CMSS1: variants seen among roughly 807,000 people sequenced by gnomAD.
CMSS1 encodes the protein cms1 ribosomal small subunit homolog, also known as protein CMSS1.
Under a neutral mutation model 43.5 loss-of-function variants are expected in CMSS1, and 33 were observed. The observed-to-expected ratio is 0.76, with a 90% CI of 0.57 to 1.01. The LOEUF (loss-of-function observed/expected upper bound fraction) is 1.01, where lower values mean the gene tolerates loss of function less well. Among genes scored for constraint, CMSS1 ranks in the 50% least tolerant of loss-of-function variants. CMSS1 has a pLI of 0.00. For missense variants in CMSS1, 313 were observed against 326.4 expected (o/e 0.96, Z 0.32); for synonymous variants, 115 against 117.2 (o/e 0.98, Z 0.12).
rs752532070 is a variant in CMSS1, at chr3:100,160,469, G to A, written c.193G>A (p.Glu65Lys). 5 of 1,515,652 alleles carry A rather than the reference G, an allele frequency of 3.3e-6. No homozygotes were observed. Among genetic ancestry groups the A allele is most frequent in the Non-Finnish European group, 4.6e-6 (5 of 1,094,042 alleles). 93.9% of individuals were successfully genotyped at this position (1,515,652 alleles called of 1,614,324 possible). ...TTTGATACAACCAAAGGAAAGAAAA[G>A]AGAATACCACCAAGACCAGGAAAAG... ...CFLIQPKERK[E>K]NTTKTRKRRK... Residue 65 changes from glutamate to lysine, a missense_variant, in exon 3 of 10, where the codon GAG becomes AAG. Physicochemically the swap from Glu to Lys is moderately conservative, Grantham distance 56. Coordinates refer to ENST00000421999, the MANE Select transcript of CMSS1 (RefSeq NM_032359.4).
At chr3:99,930,868 G>C in intron 1 of CMSS1, 1 of 1,612,994 alleles carries the variant, frequency 6.2e-7, no homozygotes, top group Non-Finnish European at 8.5e-7. Context: ...TCTCTGCCTT[G>C]GGACACGGAA....
At chr3:100,057,468 C>T (rs1236390192) in intron 1 of CMSS1, among the ~76,000 whole-genome samples, 1 of 152,232 alleles carries the variant, frequency 6.6e-6, no homozygotes, top group African/African-American at 2.4e-5. Context: ...GCTGCGGTTT[C>T]TCCAAACTCT....
At chr3:100,097,216 A>G (rs1256665667) in intron 1 of CMSS1, among the ~76,000 whole-genome samples, 1 of 152,226 alleles carries the variant, frequency 6.6e-6, no homozygotes, top group Non-Finnish European at 1.5e-5. Flanking sequence ...TTGCCCTGAG[A>G]TGAACAGTTT....
At chr3:99,847,579 A>G (rs2107518834) in intron 1 of CMSS1, among the ~76,000 whole-genome samples, 1 of 152,320 alleles carries the variant, frequency 6.6e-6, no homozygotes, top group Admixed American at 6.5e-5. Flanking sequence ...CATGAAAACC[A>G]AAATTATTCG....
chr3:99,988,341 C>CAAAAAAAA (rs63321762), intron 1 of CMSS1, among the ~76,000 whole-genome samples: 134 of 62,242 alleles, frequency 2.2e-3, no homozygotes, highest in Non-Finnish European at 2.7e-3. Context: ...ACTAAAAATC[C>CAAAAAAAA]AAAAAAAAAA....
At chr3:99,901,962 T>C (rs1706452484) in intron 1 of CMSS1, among the ~76,000 whole-genome samples, 1 of 152,156 alleles carries the variant, frequency 6.6e-6, no homozygotes, top group African/African-American at 2.4e-5. Flanking sequence ...ATGATGCCAA[T>C]AAACAAAACA....
At chr3:99,872,273 G>C (rs1944832781) in intron 1 of CMSS1, among the ~76,000 whole-genome samples, 2 of 82,184 alleles carry the variant, frequency 2.4e-5, no homozygotes, top group Admixed American at 1.2e-4. Flanking sequence ...CCAGGACTGT[G>C]TGTGTGTGTG....
intron 8 of CMSS1, among the ~76,000 whole-genome samples, chr3:100,172,788 C>T (rs774318616): frequency 5.3e-5 from 8 of 152,180 alleles, no homozygotes; most frequent in Admixed American, 2.6e-4. Flanking sequence ...AAACAAAAAA[C>T]GTAGTTTCCA....
At chr3:99,934,505 T>C (rs1426233829) in intron 1 of CMSS1, among the ~76,000 whole-genome samples, 1 of 152,224 alleles carries the variant, frequency 6.6e-6, no homozygotes, top group Non-Finnish European at 1.5e-5. Context: ...AATAGTCTAC[T>C]GATAAGAATC....
intron 1 of CMSS1, among the ~76,000 whole-genome samples, chr3:99,951,929 T>C (rs7638900): frequency 0.71 from 107,877 of 152,082 alleles, 38,607 homozygotes; most frequent in East Asian, 0.81. Context: ...TTGCCTTAGA[T>C]GAGGTTCTGA....
chr3:99,838,249 C>G (rs1180032560), intron 1 of CMSS1, among the ~76,000 whole-genome samples: 2 of 152,208 alleles, frequency 1.3e-5, no homozygotes, highest in Admixed American at 1.3e-4. Flanking sequence ...GGTCAGTCTT[C>G]CCCGTGCCTG....
intron 1 of CMSS1, among the ~76,000 whole-genome samples, chr3:99,984,366 C>A (rs1391688896): frequency 6.6e-6 from 1 of 152,144 alleles, no homozygotes; most frequent in African/African-American, 2.4e-5. Flanking sequence ...TAGGATTAAA[C>A]CATTTATTAC....
intron 1 of CMSS1, among the ~76,000 whole-genome samples, chr3:100,047,095 A>G (rs1256902568): frequency 6.6e-6 from 1 of 152,228 alleles, no homozygotes; most frequent in Non-Finnish European, 1.5e-5. Context: ...ATGTTTAGCC[A>G]TTGAAGTTTT....
At chr3:99,904,730 A>G (rs1343923901) in intron 1 of CMSS1, among the ~76,000 whole-genome samples, 1 of 151,926 alleles carries the variant, frequency 6.6e-6, no homozygotes, top group African/African-American at 2.4e-5. Context: ...CTTGCCTCCC[A>G]CACCCACTTC....
At chr3:100,039,337 C>T (rs2065162446) in intron 1 of CMSS1, among the ~76,000 whole-genome samples, 1 of 152,164 alleles carries the variant, frequency 6.6e-6, no homozygotes, top group Non-Finnish European at 1.5e-5. Flanking sequence ...AGCCAAGACT[C>T]ACCTGCTACA....
At chr3:99,850,082 C>T (rs563640451) in intron 1 of CMSS1, 1 of 1,612,894 alleles carries the variant, frequency 6.2e-7, no homozygotes, top group Non-Finnish European at 8.5e-7. Context: ...ACTGTTGTTA[C>T]TTTATTTTGC....
chr3:99,932,449 C>T (rs1369824522), intron 1 of CMSS1, among the ~76,000 whole-genome samples: 3 of 151,722 alleles, frequency 2.0e-5, no homozygotes, highest in Non-Finnish European at 4.4e-5. Context: ...ATTATATAGT[C>T]CATCATTTAC....
intron 2 of CMSS1, among the ~76,000 whole-genome samples, chr3:100,154,163 T>G (rs1348614148): frequency 6.6e-6 from 1 of 152,210 alleles, no homozygotes; most frequent in Non-Finnish European, 1.5e-5. Context: ...ATTTCTTGTT[T>G]GGCACTATTG....
At chr3:99,868,301 C>T (rs1311423847) in intron 1 of CMSS1, among the ~76,000 whole-genome samples, 3 of 152,152 alleles carry the variant, frequency 2.0e-5, no homozygotes, top group Admixed American at 6.5e-5. Flanking sequence ...AGGTTAGGCA[C>T]GCTAGAGACA....
Sources: gnomAD v4.1 joint callset for allele counts (sites outside exome capture counted in the v4.1 genomes callset) on GRCh38, gnomAD v4.1.1 for gene constraint, MANE v1.5 for transcripts, NCBI Gene and HGNC (gene_info 2026-07-23, HGNC 2026-07-21) for gene names.